SH3RF3: variants seen among roughly 807,000 people sequenced by gnomAD.
SH3RF3 encodes SH3 domain containing ring finger 3.
Under a neutral mutation model 66.3 loss-of-function variants are expected in SH3RF3, and 29 were observed. The ratio of observed to expected loss-of-function variants is 0.44; its 90% CI spans 0.33 to 0.60. The LOEUF is 0.60. SH3RF3 is among the 20% of genes least tolerant of loss of function. The probability of loss-of-function intolerance (pLI) is 0.04; values close to 1 mark genes in which losing one functional copy is unlikely to be tolerated. For missense variants in SH3RF3, 1,194 were observed against 1,190.9 expected (o/e 1.00, Z -0.04); for synonymous variants, 583 against 532.0 (o/e 1.10, Z -1.32).
At chr2:109,483,379 C>T (rs1330140580) in intron 8 of SH3RF3, among the ~76,000 whole-genome samples, 3 of 152,198 alleles carry the variant, frequency 2.0e-5, no homozygotes, top group African/African-American at 4.8e-5. Context: ...AGGTTCCAGC[C>T]TCACTCACTG....
At chr2:109,308,855 T>C (rs371954522) in intron 1 of SH3RF3, among the ~76,000 whole-genome samples, 1 of 67,848 alleles carries the variant, frequency 1.5e-5, no homozygotes, top group African/African-American at 1.3e-4. Flanking sequence ...AGTCAGGTAG[T>C]GTGATGCCTC....
intron 1 of SH3RF3, among the ~76,000 whole-genome samples, chr2:109,300,775 C>T (rs1478400229): frequency 6.6e-6 from 1 of 152,216 alleles, no homozygotes; most frequent in Non-Finnish European, 1.5e-5. Context: ...TTGGGCTCCA[C>T]CTCCTTTCTC....
intron 1 of SH3RF3, among the ~76,000 whole-genome samples, chr2:109,287,306 C>G (rs1681050497): frequency 6.6e-6 from 1 of 152,064 alleles, no homozygotes; most frequent in Admixed American, 6.6e-5. Flanking sequence ...TTCCTGATGC[C>G]CTGGTGGAGA....
intron 5 of SH3RF3, among the ~76,000 whole-genome samples, chr2:109,421,484 C>T (rs1676877294): frequency 6.6e-6 from 1 of 152,308 alleles, no homozygotes; most frequent in Non-Finnish European, 1.5e-5. Context: ...GGCATGTCAC[C>T]CCTCAAGAGT....
At chr2:109,304,255 C>T (rs533050027) in intron 1 of SH3RF3, among the ~76,000 whole-genome samples, 6 of 152,310 alleles carry the variant, frequency 3.9e-5, no homozygotes, top group African/African-American at 1.4e-4. Context: ...CCCATTCCAA[C>T]CCCAGCCCCT....
At chr2:109,242,125 C>G (rs1679799512) in intron 1 of SH3RF3, among the ~76,000 whole-genome samples, 1 of 152,082 alleles carries the variant, frequency 6.6e-6, no homozygotes, top group African/African-American at 2.4e-5. Flanking sequence ...CCTGTTTTCC[C>G]TGGTCATGGT....
chr2:109,471,752 C>T (rs1385823515), intron 8 of SH3RF3, among the ~76,000 whole-genome samples: 1 of 152,206 alleles, frequency 6.6e-6, no homozygotes. Context: ...AAGACGGTCC[C>T]AAGAGCTTAG....
chr2:109,265,793 A>T (rs963362491), intron 1 of SH3RF3, among the ~76,000 whole-genome samples: 1 of 152,240 alleles, frequency 6.6e-6, no homozygotes, highest in Non-Finnish European at 1.5e-5. Flanking sequence ...AGCTTTTAAT[A>T]TGCAGGGTTG....
At chr2:109,227,218 A>C (rs939039054) in intron 1 of SH3RF3, among the ~76,000 whole-genome samples, 7 of 152,188 alleles carry the variant, frequency 4.6e-5, no homozygotes, top group African/African-American at 1.7e-4. Flanking sequence ...GATCCCACCC[A>C]GGCCTCAGGG....
At chr2:109,188,349 C>T (rs1339080242) in intron 1 of SH3RF3, among the ~76,000 whole-genome samples, 1 of 152,214 alleles carries the variant, frequency 6.6e-6, no homozygotes, top group Non-Finnish European at 1.5e-5. Context: ...TTGGTCCTGT[C>T]TTCCTCACAG....
chr2:109,325,482 A>G (rs1682132430), intron 1 of SH3RF3, among the ~76,000 whole-genome samples: 1 of 151,826 alleles, frequency 6.6e-6, no homozygotes, highest in Admixed American at 6.6e-5. Context: ...ATGGGACTAC[A>G]GGCATGTGCC....
At chr2:109,456,876 G>C (rs762493585) in intron 8 of SH3RF3, among the ~76,000 whole-genome samples, 2 of 152,226 alleles carry the variant, frequency 1.3e-5, no homozygotes, top group Admixed American at 1.3e-4. Flanking sequence ...GGGGAGAATA[G>C]CCTAGGGCTC....
rs571672921 is a variant in SH3RF3, at chr2:109,430,789, T to C, written c.1404-1712T>C. On this transcript the variant is annotated intron_variant, in intron 5 of 9. Coordinates refer to ENST00000309415, the MANE Select transcript of SH3RF3 (RefSeq NM_001099289.3). Reference sequence around the variant, plus strand: ...GGGGTCCTCTCCTGATGATTTTGTGTATCCTCCTGAAGCCCAGAGTTGGTC... The same window carrying C: ...GGGGTCCTCTCCTGATGATTTTGTGCATCCTCCTGAAGCCCAGAGTTGGTC... Among the ~76,000 whole-genome samples the C allele has an allele frequency of 3.0e-4, 46 of 152,324 alleles. No individual in the cohort carries two copies. In the South Asian group the frequency reaches 9.5e-3, roughly 32 times the overall value.
chr2:109,450,813 C>A (rs374120220), intron 8 of SH3RF3, among the ~76,000 whole-genome samples: 2 of 152,250 alleles, frequency 1.3e-5, no homozygotes, highest in East Asian at 3.8e-4. Flanking sequence ...GCCTTGCTGC[C>A]TGAACGGTTT....
chr2:109,438,995 A>AG (rs1677490179), intron 7 of SH3RF3, among the ~76,000 whole-genome samples: 3 of 152,200 alleles, frequency 2.0e-5, no homozygotes, highest in Non-Finnish European at 2.9e-5. Context: ...TCAGCATCCC[A>AG]GTGCAGTGGC....
rs551679559 is a variant in SH3RF3 at position 109,279,003 on chromosome 2, T to A, written c.574-68671T>A. 7.2e-5 allele frequency among the ~76,000 whole-genome samples: 11 copies of A among 152,308 alleles called. 1 individual carries two copies. The East Asian group carries it at 1.2e-3, about 16-fold the overall frequency. On this transcript the variant is annotated intron_variant, in intron 1 of 9. Transcript: ENST00000309415. ...GTAGGTTTCCTCATTCCAAAGTTGG[T>A]GTGCTTGTACTTGATTTTGAAGTTA...
intron 8 of SH3RF3, among the ~76,000 whole-genome samples, chr2:109,466,915 A>G (rs1204810050): frequency 6.6e-6 from 1 of 151,854 alleles, no homozygotes; most frequent in East Asian, 1.9e-4. Flanking sequence ...ATGTGTGTCT[A>G]TATGTGTATG....
chr2:109,323,732 G>A (rs1682085098), intron 1 of SH3RF3, among the ~76,000 whole-genome samples: 3 of 152,186 alleles, frequency 2.0e-5, no homozygotes, highest in Non-Finnish European at 2.9e-5. Flanking sequence ...CTGTAAGAGT[G>A]GGCATGAGGA....
intron 4 of SH3RF3, among the ~76,000 whole-genome samples, chr2:109,406,207 G>C (rs190260810): frequency 1.3e-5 from 2 of 152,204 alleles, no homozygotes; most frequent in African/African-American, 2.4e-5. Context: ...GTGCTCTGCT[G>C]GGGGAGGGAG....
Sources: allele counts gnomAD v4.1 joint callset (sites outside exome capture counted in the v4.1 genomes callset), GRCh38; gene constraint gnomAD v4.1.1; transcripts MANE v1.5; gene names NCBI Gene and HGNC (gene_info 2026-07-23, HGNC 2026-07-21).